ZCWPW2: variants seen among roughly 807,000 people sequenced by gnomAD.
ZCWPW2 encodes the protein zinc finger CW-type and PWWP domain containing 2, also known as zinc finger CW-type PWWP domain protein 2.
A neutral mutation model predicts 46.6 loss-of-function variants in ZCWPW2; 45 were observed. The ratio of observed to expected loss-of-function variants is 0.96; its 90% CI spans 0.76 to 1.24. The LOEUF (loss-of-function observed/expected upper bound fraction) is 1.24, where lower values mean the gene tolerates loss of function less well. Among genes scored for constraint, ZCWPW2 ranks in the 50% most tolerant of loss-of-function variants. The pLI is 0.00. For synonymous variants in ZCWPW2, 152 were observed against 137.1 expected (o/e 1.11, Z -0.76); for missense variants, 429 against 403.9 (o/e 1.06, Z -0.53).
chr3:28,360,681 A>G (rs1462955015), intron 1 of ZCWPW2, among the ~76,000 whole-genome samples: 1 of 152,116 alleles, frequency 6.6e-6, no homozygotes, highest in African/African-American at 2.4e-5. Context: ...TGCATTAAAA[A>G]AAGAGATAAC....
intron 4 of ZCWPW2, among the ~76,000 whole-genome samples, chr3:28,467,527 G>C (rs1053936410): frequency 6.6e-6 from 1 of 152,200 alleles, no homozygotes; most frequent in Non-Finnish European, 1.5e-5. Context: ...GGTTACAGTG[G>C]GCCTTGGGTG....
At chr3:28,467,143 T>C (rs996146094) in intron 4 of ZCWPW2, among the ~76,000 whole-genome samples, 4 of 152,160 alleles carry the variant, frequency 2.6e-5, no homozygotes, top group African/African-American at 9.7e-5. Flanking sequence ...TGGTTCAGGT[T>C]GTATTCAAAT....
At chr3:28,498,215 A>G (rs1188838337) in intron 6 of ZCWPW2, among the ~76,000 whole-genome samples, 1 of 145,098 alleles carries the variant, frequency 6.9e-6, no homozygotes, top group Non-Finnish European at 1.5e-5. Flanking sequence ...ACATGTATGT[A>G]TATATATTTA....
chr3:28,387,185 A>G (rs1212046301), intron 1 of ZCWPW2, among the ~76,000 whole-genome samples: 2 of 152,122 alleles, frequency 1.3e-5, no homozygotes, highest in African/African-American at 2.4e-5. Context: ...AATATTCACT[A>G]TCTGTCACTT....
At chr3:28,495,246 TC>T (rs1699948776) in intron 6 of ZCWPW2, among the ~76,000 whole-genome samples, 1 of 152,182 alleles carries the variant, frequency 6.6e-6, no homozygotes, top group African/African-American at 2.4e-5. Flanking sequence ...AATGTTCAGC[TC>T]CTTTGCAGAG....
chr3:28,413,670 G>C (rs1696502880), intron 3 of ZCWPW2, among the ~76,000 whole-genome samples: 1 of 151,834 alleles, frequency 6.6e-6, no homozygotes, highest in Non-Finnish European at 1.5e-5. Flanking sequence ...TACAAATTTT[G>C]ATATACTGTG....
At chr3:28,371,017 C>A (rs1705316041) in intron 1 of ZCWPW2, among the ~76,000 whole-genome samples, 1 of 151,780 alleles carries the variant, frequency 6.6e-6, no homozygotes, top group Non-Finnish European at 1.5e-5. Flanking sequence ...CAGGTGTGAA[C>A]CACCATGCCC....
At chr3:28,391,370 C>G in intron 2 of ZCWPW2, among the ~76,000 whole-genome samples, 1 of 93,400 alleles carries the variant, frequency 1.1e-5, no homozygotes, top group South Asian at 2.8e-4. Flanking sequence ...CACACACACA[C>G]ACACACATGC....
At chr3:28,511,397 G>T (rs1004878414) in intron 6 of ZCWPW2, among the ~76,000 whole-genome samples, 1 of 152,110 alleles carries the variant, frequency 6.6e-6, no homozygotes, top group African/African-American at 2.4e-5. Flanking sequence ...TTTCAAAAAT[G>T]TTAGCAGCAA....
rs148710759 is a variant in ZCWPW2, at chr3:28,518,866, T to C, written c.785-2126T>C. ...TGGGGAATTGGTGTGAAAATAACCATGAGCAGTCATCTATTAACAGGTTAC... is the reference window on the plus strand; with the variant it reads ...TGGGGAATTGGTGTGAAAATAACCACGAGCAGTCATCTATTAACAGGTTAC... On this transcript the variant is annotated intron_variant, in intron 8 of 9. Transcript: ENST00000383768. 1.6e-4 allele frequency among the ~76,000 whole-genome samples: 24 copies of C among 152,278 alleles called. No individual in the cohort carries two copies. The East Asian group carries it at 4.4e-3, about 28-fold the overall frequency.
At chr3:28,421,710 T>C (rs1179016683) in intron 3 of ZCWPW2, among the ~76,000 whole-genome samples, 2 of 151,900 alleles carry the variant, frequency 1.3e-5, no homozygotes, top group Non-Finnish European at 2.9e-5. Flanking sequence ...CGTTTTCTCT[T>C]CAACTTTGAG....
intron 1 of ZCWPW2, among the ~76,000 whole-genome samples, chr3:28,363,752 T>C (rs964946462): frequency 6.6e-6 from 1 of 152,124 alleles, no homozygotes; most frequent in African/African-American, 2.4e-5. Context: ...TCATTCAAAC[T>C]AGCCAATCTT....
chr3:28,400,916 A>T lies in ZCWPW2; in HGVS notation c.-14+10299A>T, dbSNP rs543223137. Among the ~76,000 whole-genome samples, 6 of 152,322 alleles carry T rather than the reference A, an allele frequency of 3.9e-5. No individual in the cohort carries two copies. In the South Asian group the frequency reaches 6.2e-4, roughly 16 times the overall value. ...CAAAGACGGCTGGGCATGGTGGCTC[A>T]CGCCTGTAATCCCAGCACGTTGGGA... On this transcript the variant is annotated intron_variant, in intron 2 of 9. Coordinates refer to ENST00000383768, the MANE Select transcript of ZCWPW2 (RefSeq NM_001040432.4).
chr3:28,363,841 T>C (rs964018374), intron 1 of ZCWPW2, among the ~76,000 whole-genome samples: 5 of 152,172 alleles, frequency 3.3e-5, no homozygotes, highest in Admixed American at 2.0e-4. Context: ...TCCCTCTCCC[T>C]CTGCCTCCTG....
intron 5 of ZCWPW2, among the ~76,000 whole-genome samples, chr3:28,489,395 C>T (rs1321046347): frequency 2.0e-5 from 3 of 151,892 alleles, no homozygotes; most frequent in South Asian, 2.1e-4. Flanking sequence ...TTCTACTGGG[C>T]CCTTTACACA....
intron 1 of ZCWPW2, among the ~76,000 whole-genome samples, chr3:28,385,985 T>C (rs1019824188): frequency 9.9e-5 from 15 of 152,070 alleles, no homozygotes; most frequent in Non-Finnish European, 1.8e-4. Context: ...ACTTTAAAAT[T>C]TTTGTTTCTA....
At chr3:28,417,057 C>CT (rs762824707) in intron 3 of ZCWPW2, among the ~76,000 whole-genome samples, 2,490 of 124,646 alleles carry the variant, frequency 0.02, 44 homozygotes, top group African/African-American at 0.05. Flanking sequence ...GATTCCCTCT[C>CT]TTTTTTTTTT....
chr3:28,460,525 AGT>A (rs1040052657), intron 4 of ZCWPW2, among the ~76,000 whole-genome samples: 3 of 152,198 alleles, frequency 2.0e-5, no homozygotes, highest in African/African-American at 7.2e-5. Flanking sequence ...GTGACAGGTG[AGT>A]GGGAAGGCAG....
At chr3:28,349,622 T>C (rs1004549206) in intron 1 of ZCWPW2, among the ~76,000 whole-genome samples, 1 of 152,182 alleles carries the variant, frequency 6.6e-6, no homozygotes, top group Admixed American at 6.5e-5. Flanking sequence ...TTCTAGATGA[T>C]AGACCGTCCC....
Sources: allele counts gnomAD v4.1 joint callset (sites outside exome capture counted in the v4.1 genomes callset), GRCh38; gene constraint gnomAD v4.1.1; transcripts MANE v1.5; gene names NCBI Gene and HGNC (gene_info 2026-07-23, HGNC 2026-07-21).